The following SLC10A7 variants were observed in gnomAD, a reference collection of about 807,000 sequenced individuals.
SLC10A7 encodes the protein sodium/bile acid cotransporter 7.
SLC10A7 carries 29 observed loss-of-function variants against 43.2 expected under a neutral mutation model. That is an observed-to-expected ratio of 0.67 (90% confidence interval 0.50 to 0.92). The LOEUF is 0.92. Ranked by LOEUF, SLC10A7 falls within the 40% of genes least tolerant of loss-of-function variation. SLC10A7 has a pLI of 0.00. For synonymous variants in SLC10A7, 152 were observed against 144.8 expected, an observed-to-expected ratio of 1.05 and a Z score of -0.35; for missense variants, 295 against 403.2, an observed-to-expected ratio of 0.73 and a Z score of 2.30.
chr4:146,275,353 A>C (rs1729141464), intron 10 of SLC10A7, among the ~76,000 whole-genome samples: 1 of 152,198 alleles, frequency 6.6e-6, no homozygotes, highest in Non-Finnish European at 1.5e-5. Context: ...CCCAGAGATC[A>C]TCTAGTCTGA....
chr4:146,467,454 AAC>A (rs35773390), intron 4 of SLC10A7, among the ~76,000 whole-genome samples: 22,702 of 140,564 alleles, frequency 0.16, 1,776 homozygotes, highest in Middle Eastern at 0.23. Flanking sequence ...AGCAGGTTTA[AAC>A]ACACACACAC....
At chr4:146,374,868 CAG>C (rs570810686) in intron 5 of SLC10A7, among the ~76,000 whole-genome samples, 6 of 152,206 alleles carry the variant, frequency 3.9e-5, no homozygotes, top group Admixed American at 3.9e-4. Context: ...TCTAGAGATG[CAG>C]AGTCACTGAG....
intron 4 of SLC10A7, among the ~76,000 whole-genome samples, chr4:146,491,501 A>G (rs999890591): frequency 6.6e-6 from 1 of 152,034 alleles, no homozygotes; most frequent in African/African-American, 2.4e-5. Context: ...AAGATTGGAG[A>G]GAAGGAAAAG....
At chr4:146,467,350 T>C (rs1386123259) in intron 4 of SLC10A7, among the ~76,000 whole-genome samples, 3 of 152,084 alleles carry the variant, frequency 2.0e-5, no homozygotes, top group East Asian at 3.9e-4. Context: ...TATGCTTTAC[T>C]AGTAAAACAG....
At chr4:146,300,331 T>G (rs766842151) in intron 7 of SLC10A7, among the ~76,000 whole-genome samples, 4 of 152,204 alleles carry the variant, frequency 2.6e-5, no homozygotes, top group Non-Finnish European at 4.4e-5. Context: ...ATCCCTTCTT[T>G]AATATACTTT....
intron 4 of SLC10A7, among the ~76,000 whole-genome samples, chr4:146,458,207 T>C (rs186491486): frequency 3.3e-5 from 5 of 151,678 alleles, no homozygotes; most frequent in African/African-American, 9.7e-5. Flanking sequence ...ACCTTATCAA[T>C]AGATGAAAAA....
chr4:146,421,796 C>T (rs1194641165), intron 5 of SLC10A7, among the ~76,000 whole-genome samples: 1 of 152,220 alleles, frequency 6.6e-6, no homozygotes, highest in African/African-American at 2.4e-5. Context: ...CATCCTCTCT[C>T]AGGTTGACCT....
At chr4:146,402,593 C>T (rs1482540699) in intron 5 of SLC10A7, among the ~76,000 whole-genome samples, 1 of 152,020 alleles carries the variant, frequency 6.6e-6, no homozygotes, top group Non-Finnish European at 1.5e-5. Flanking sequence ...AAACCAAAAA[C>T]ATGTTTTAAA....
In SLC10A7 at chr4:146,283,175, C is replaced by T; in HGVS notation, c.847+17G>A. On this transcript the variant is annotated intron_variant, in intron 10 of 11. Coordinates refer to ENST00000335472, the MANE Select transcript of SLC10A7 (RefSeq NM_001029998.6). The stretch of plus-strand genomic sequence containing the variant: ...TATGAGGGTAATAGGTGGTTTTTAA[C>T]TCTGTGAATCACTTACCCAATGTAA... 2 of 1,600,886 alleles carry T rather than the reference C, an allele frequency of 1.2e-6. No individual in the cohort carries two copies. The highest frequency in any genetic ancestry group is 8.6e-7 in the Non-Finnish European group (1 of 1,168,770).
intron 5 of SLC10A7, 47 bp downstream of exon 5, chr4:146,442,735 AT>A: frequency 6.3e-7 from 1 of 1,594,040 alleles, no homozygotes; most frequent in Middle Eastern, 1.7e-4. Context: ...CATATACACA[AT>A]ATCACAGCAA....
chr4:146,356,999 C>T (rs1266790096), intron 5 of SLC10A7, among the ~76,000 whole-genome samples: 1 of 152,158 alleles, frequency 6.6e-6, no homozygotes, highest in African/African-American at 2.4e-5. Context: ...TCCTATAGCC[C>T]TATTCCTCTC....
chr4:146,386,257 G>T lies in SLC10A7; in HGVS notation c.435+56526C>A, dbSNP rs192657229. Among the ~76,000 whole-genome samples, 389 of 152,114 alleles carry T rather than the reference G, an allele frequency of 2.6e-3. 2 individuals are homozygous for T. The highest frequency in any genetic ancestry group is 5.6e-3 in the Admixed American group (86 of 15,262). On this transcript the variant is annotated intron_variant, in intron 5 of 11. Transcript: ENST00000335472. ...TGCCAGCATCTGTTGTTTTTTGACTGTTTAATAATAGCCATTTCAACTGGT... is the reference window on the plus strand; with the variant it reads ...TGCCAGCATCTGTTGTTTTTTGACTTTTTAATAATAGCCATTTCAACTGGT...
intron 5 of SLC10A7, chr4:146,441,776 C>T (rs1254706948): frequency 2.0e-6 from 2 of 984,994 alleles, no homozygotes. Context: ...TTTGCAGATG[C>T]TACATCATTA....
intron 5 of SLC10A7, among the ~76,000 whole-genome samples, chr4:146,356,644 G>A (rs1338694685): frequency 6.7e-6 from 1 of 149,796 alleles, no homozygotes; most frequent in Non-Finnish European, 1.5e-5. Flanking sequence ...CTTTATTTTT[G>A]TTCACACCAC....
At chr4:146,380,051 C>T (rs1279128621) in intron 5 of SLC10A7, among the ~76,000 whole-genome samples, 3 of 151,572 alleles carry the variant, frequency 2.0e-5, no homozygotes, top group African/African-American at 7.3e-5. Context: ...AGAAAGCAGT[C>T]TGAGGAAAAT....
intron 5 of SLC10A7, among the ~76,000 whole-genome samples, chr4:146,370,190 A>T (rs991649891): frequency 7.2e-5 from 11 of 152,198 alleles, no homozygotes; most frequent in African/African-American, 2.4e-4. Context: ...CACAAAATGC[A>T]TGCTCCCAAG....
intron 5 of SLC10A7, among the ~76,000 whole-genome samples, chr4:146,411,441 G>A (rs1040738607): frequency 4.6e-5 from 7 of 151,918 alleles, no homozygotes; most frequent in African/African-American, 1.7e-4. Flanking sequence ...AAAATACTCA[G>A]GACTTTTGAA....
chr4:146,287,475 A>G (rs1176837094), intron 9 of SLC10A7, among the ~76,000 whole-genome samples: 1 of 152,166 alleles, frequency 6.6e-6, no homozygotes, highest in Non-Finnish European at 1.5e-5. Context: ...TTTTTCAGGT[A>G]GAGAACGGGC....
In SLC10A7 at chr4:146,510,038, A is replaced by G; in HGVS notation, c.195T>C (p.Ser65=). 6.2e-7 allele frequency: 1 copy of G among 1,608,744 alleles called. No homozygotes were observed. The highest frequency in any genetic ancestry group is 8.5e-7 in the Non-Finnish European group (1 of 1,177,822). ...GATGCAGTTTTAGATGCACCAAAGC[A>G]CTGGTCAGCTCCTGGAAAAATTAAG... ...GLSLKTEELT[S]ALVHLKLHLF... is the part of the protein sequence containing the mutation. Residue 65 remains serine (S), a synonymous_variant, in exon 3 of 12, where the codon AGT becomes AGC. Transcript: ENST00000335472.
Sources: allele counts gnomAD v4.1 joint callset (sites outside exome capture counted in the v4.1 genomes callset), GRCh38; gene constraint gnomAD v4.1.1; transcripts MANE v1.5; gene names NCBI Gene and HGNC (gene_info 2026-07-23, HGNC 2026-07-21).